The following POLD1 variants were observed in gnomAD, a reference collection of about 807,000 sequenced individuals.
POLD1 encodes DNA polymerase delta 1, catalytic subunit, also known as DNA polymerase delta catalytic subunit.
Under a neutral mutation model 129.7 loss-of-function variants are expected in POLD1, and 79 were observed. The ratio of observed to expected loss-of-function variants is 0.61; its 90% CI spans 0.51 to 0.73. The LOEUF (loss-of-function observed/expected upper bound fraction) is 0.73. POLD1 is among the 30% of genes least tolerant of loss of function. The pLI is 0.00. For synonymous variants in POLD1, 714 were observed against 683.3 expected (o/e 1.04, Z -0.70); for missense variants, 1,338 against 1,595.8 (o/e 0.84, Z 2.75).
chr19:50,417,330 T>C, intron 26 of POLD1, 61 bp downstream of exon 26: 1 of 1,202,506 alleles, frequency 8.3e-7, no homozygotes, highest in South Asian at 1.3e-5. Flanking sequence ...GGCCTGTGGG[T>C]TGTGGACCCA....
In POLD1 at chr19:50,402,118, CGAGA is replaced by C. The variant is rs1060501829; in HGVS notation, c.587_589+1del. On this transcript the variant is annotated frameshift_variant and splice_region_variant, in exon 5 of 27. Coordinates refer to ENST00000440232, the MANE Select transcript of POLD1 (RefSeq NM_002691.4). LOFTEE classifies it high-confidence loss of function. ...CGTGCTGGCTGTGGAACTGTGCTCC[CGAGA>C]GAGTGAGTGCTCCCCCAGGATCAGC... The C allele has an allele frequency of 1.2e-6, 2 of 1,611,096 alleles. No homozygotes were observed. Among genetic ancestry groups the C allele is most frequent in the Admixed American group, 1.7e-5 (1 of 59,776 alleles).
intron 1 of POLD1, chr19:50,394,918 C>T (rs1433255075): frequency 2.6e-5 from 4 of 151,820 alleles, no homozygotes; most frequent in Admixed American, 2.6e-4. Context: ...TCACTGCAAC[C>T]TCTACCTCCC....
intron 1 of POLD1, among the ~76,000 whole-genome samples, chr19:50,390,466 C>A (rs2123726132): frequency 6.6e-6 from 1 of 152,202 alleles, no homozygotes; most frequent in South Asian, 2.1e-4. Context: ...TGAAGGACAT[C>A]CTGTTTCTAG....
At chr19:50,416,304 C>T (rs1456875276) in intron 22 of POLD1, 92 bp from the exon 23 acceptor site, 2 of 1,382,092 alleles carry the variant, frequency 1.4e-6, no homozygotes, top group East Asian at 5.0e-5. Flanking sequence ...GCAGGCAGGC[C>T]TAGGCCCTAA....
chr19:50,414,933 A>C lies in POLD1; in HGVS notation c.2507A>C (p.Asn836Thr). The C allele has an allele frequency of 2.5e-6, 4 of 1,609,428 alleles. No individual in the cohort carries two copies. Among genetic ancestry groups the C allele is most frequent in the Non-Finnish European group, 3.4e-6 (4 of 1,177,194 alleles). The change falls in exon 20 of 27, where the codon AAC (asparagine) becomes ACC (threonine). Residue 836 changes from asparagine (N) to threonine (T), a missense_variant. Physicochemically the swap from Asn to Thr is moderately conservative, Grantham distance 65. Transcript: ENST00000440232. ...GGCCTGGAGGCCGTGCGCAGGGACA[A>C]CTGCCCCCTCGTGGCCAACCTGGTC... is the stretch of plus-strand genomic sequence containing the variant. ...CKGLEAVRRD[N>T]CPLVANLVTA...
At position 50,406,272 on chromosome 19, in the gene POLD1, G is replaced by A. The variant is rs2122319678; in HGVS notation, c.1333G>A (p.Asp445Asn). 2.5e-6 allele frequency: 4 copies of A among 1,614,032 alleles called. No individual in the cohort carries two copies. Among genetic ancestry groups the A allele is most frequent in the Non-Finnish European group, 3.4e-6 (4 of 1,180,010 alleles). ...SFQSKQTGRR[D>N]TKVVSMVGRV... ...CCAGTCCAAGCAGACGGGCCGGCGGGACACCAAGGTTGTCAGCATGGTGGG... is the reference window on the plus strand; with the variant it reads ...CCAGTCCAAGCAGACGGGCCGGCGGAACACCAAGGTTGTCAGCATGGTGGG... The change falls in exon 11 of 27, where the codon GAC becomes AAC. Residue 445 changes from aspartate to asparagine, a missense_variant. By Grantham distance (23) the Asp-to-Asn change is conservative. Coordinates refer to ENST00000440232, the MANE Select transcript of POLD1 (RefSeq NM_002691.4). The surrounding 1 kb of genome is among the most constrained non-coding windows in gnomAD (Gnocchi z 5.5).
intron 1 of POLD1, among the ~76,000 whole-genome samples, chr19:50,386,431 C>G (rs556002005): frequency 6.6e-6 from 1 of 152,356 alleles, no homozygotes; most frequent in Admixed American, 6.5e-5. Flanking sequence ...AGCCACCACA[C>G]CCGGCCTAAA....
Position 50,409,612 on chromosome 19 carries a change from A to C in POLD1, c.2100A>C (p.Val700=). The change falls in exon 17 of 27, where the codon GTA becomes GTC. Residue 700 remains valine (V), a synonymous_variant. Coordinates refer to ENST00000440232, the MANE Select transcript of POLD1 (RefSeq NM_002691.4). This position sits in a 1 kb window ranked among gnomAD's most constrained non-coding sequence, Gnocchi z 5.8. ...QLALKVSANS[V]YGFTGAQVGK... is the part of the protein sequence containing the mutation. ...CGCTGAAGGTGAGCGCCAACTCCGT[A>C]TACGGCTTCACTGGCGCCCAGGTGG... 1 of 1,611,436 alleles carries C rather than the reference A, an allele frequency of 6.2e-7. No individual in the cohort carries two copies. The highest frequency in any genetic ancestry group is 8.5e-7 in the Non-Finnish European group (1 of 1,178,442).
chr19:50,414,768 G>T (rs762619800), intron 19 of POLD1, 47 bp from the exon 20 acceptor site: 13 of 1,431,784 alleles, frequency 9.1e-6, no homozygotes, highest in Non-Finnish European at 1.2e-5. Flanking sequence ...TCCAGATTGG[G>T]GCTTGGCCTC....
rs1186119625 is a variant in POLD1 at position 50,407,766 on chromosome 19, G to A, written c.1775+351G>A. ...TTTTTTTTGCATTTTTAGTAGGGACGGGGTTTCACCGTGTTAGCCAGGATG... is the reference window on the plus strand; with the variant it reads ...TTTTTTTTGCATTTTTAGTAGGGACAGGGTTTCACCGTGTTAGCCAGGATG... On this transcript the variant is annotated intron_variant, in intron 14 of 26. Transcript: ENST00000440232. 6.9e-5 allele frequency among the ~76,000 whole-genome samples: 10 copies of A among 144,118 alleles called. No homozygotes were observed. In the South Asian group the frequency reaches 2.2e-3, roughly 32 times the overall value. The allele number at this position is 144,118 out of a possible 152,430, so 94.5% of individuals were successfully genotyped here.
intron 13 of POLD1, 48 bp from the exon 14 acceptor site, chr19:50,407,279 C>A (rs2038930433): frequency 6.4e-7 from 1 of 1,566,312 alleles, no homozygotes. Context: ...TCCCAATCCG[C>A]ACGGCCCCAC....
chr19:50,396,454 CA>C lies in POLD1; in HGVS notation c.-1-2393del, dbSNP rs1417492920. On this transcript the variant is annotated intron_variant, in intron 1 of 26. Coordinates refer to ENST00000440232, the MANE Select transcript of POLD1 (RefSeq NM_002691.4). ...TTGTCAAGGATATTGTATATCTTGT[CA>C]AAATACACCCCCAAAATAATAATAT... 8.6e-5 allele frequency among the ~76,000 whole-genome samples: 13 copies of C among 150,900 alleles called. No homozygotes were observed. The South Asian group carries it at 2.7e-3, about 32-fold the overall frequency.
intron 17 of POLD1, among the ~76,000 whole-genome samples, chr19:50,412,908 T>C (rs2122430622): frequency 6.7e-6 from 1 of 150,310 alleles, no homozygotes; most frequent in African/African-American, 2.5e-5. Flanking sequence ...CCACGCCAGC[T>C]AGTTTTCTTA....
intron 13 of POLD1, 29 bp downstream of exon 13, chr19:50,407,203 C>A (rs2038927262): frequency 6.3e-7 from 1 of 1,582,650 alleles, no homozygotes; most frequent in Non-Finnish European, 8.6e-7. Flanking sequence ...TCCTCGCCAC[C>A]CCCCACCAGG....
At chr19:50,388,303 A>G (rs2038037195) in intron 1 of POLD1, among the ~76,000 whole-genome samples, 1 of 152,212 alleles carries the variant, frequency 6.6e-6, no homozygotes, top group Admixed American at 6.5e-5. Context: ...TATACTTTAA[A>G]TGGGTGAATT....
Position 50,417,094 on chromosome 19 carries a change from G to A in POLD1, c.3117G>A (p.Lys1039=), listed in dbSNP as rs1446879479. Residue 1039 remains lysine, a synonymous_variant, in exon 25 of 27, where the codon AAG becomes AAA. Transcript: ENST00000440232. ...CQPRESELYQ[K]EVSHLNALEE... ...CCCGGGAGTCTGAGCTGTATCAGAA[G>A]GAGGTGAGAGGGCCGGGAGGTGAGG... 1 of 1,560,132 alleles carries A rather than the reference G, an allele frequency of 6.4e-7. No individual in the cohort carries two copies. Among genetic ancestry groups the A allele is most frequent in the East Asian group, 2.4e-5 (1 of 41,848 alleles).
intron 17 of POLD1, among the ~76,000 whole-genome samples, 194 bp from the exon 18 acceptor site, chr19:50,413,232 C>T (rs2039148436): frequency 6.6e-6 from 1 of 152,182 alleles, no homozygotes; most frequent in Admixed American, 6.5e-5. Context: ...CCACTTCTTT[C>T]CACCTGACCA....
intron 1 of POLD1, among the ~76,000 whole-genome samples, chr19:50,397,986 A>G (rs2038432684): frequency 1.3e-5 from 2 of 152,150 alleles, no homozygotes; most frequent in Non-Finnish European, 2.9e-5. Flanking sequence ...GTGGAGGGGT[A>G]TGGGATCTGC....
chr19:50,399,116 C>G, intron 2 of POLD1, 63 bp downstream of exon 2: 1 of 1,549,568 alleles, frequency 6.5e-7, no homozygotes, highest in Non-Finnish European at 8.7e-7. Context: ...GCCTTTGGTC[C>G]AAGAGTCAGC....
Sources: allele counts gnomAD v4.1 joint callset (sites outside exome capture counted in the v4.1 genomes callset), GRCh38; gene constraint gnomAD v4.1.1; non-coding constraint Gnocchi (gnomAD v3.1); transcripts MANE v1.5; gene names NCBI Gene and HGNC (gene_info 2026-07-23, HGNC 2026-07-21).